The following PRRG1 variants were observed in gnomAD, a reference collection of about 807,000 sequenced individuals.
PRRG1 encodes transmembrane gamma-carboxyglutamic acid protein 1.
A neutral mutation model predicts 11.8 loss-of-function variants in PRRG1; 5 were observed. The ratio of observed to expected loss-of-function variants is 0.42; its 90% CI spans 0.22 to 0.89. The LOEUF (loss-of-function observed/expected upper bound fraction) is 0.89. PRRG1 is among the 40% of genes least tolerant of loss of function. The pLI is 0.28. For synonymous variants in PRRG1, 66 were observed against 60.4 expected (o/e 1.09, Z -0.43); for missense variants, 155 against 166.1 (o/e 0.93, Z 0.37).
intron 2 of PRRG1, among the ~76,000 whole-genome samples, chrX:37,411,611 G>C (rs946282916): frequency 2.3e-4 from 26 of 111,242 alleles, no homozygotes; most frequent in African/African-American, 8.1e-4. Flanking sequence ...TTCTATCTCA[G>C]AACACATTTC....
chrX:37,409,985 A>G (rs1932310360), intron 2 of PRRG1, among the ~76,000 whole-genome samples: 1 of 112,151 alleles, frequency 8.9e-6, no homozygotes, highest in African/African-American at 3.2e-5. Flanking sequence ...TCATTCGTTT[A>G]TGTGACATGA....
chrX:37,361,641 T>G (rs1023997391), intron 1 of PRRG1, among the ~76,000 whole-genome samples: 1 of 111,839 alleles, frequency 8.9e-6, no homozygotes, highest in Non-Finnish European at 1.9e-5. Flanking sequence ...CTTCCCTTCT[T>G]TCAAAACTGT....
chrX:37,363,350 T>C (rs1259914758), intron 1 of PRRG1, among the ~76,000 whole-genome samples: 1 of 112,075 alleles, frequency 8.9e-6, no homozygotes, highest in Non-Finnish European at 1.9e-5. Context: ...ATAAAATATA[T>C]ATTGAGGATT....
intron 1 of PRRG1, among the ~76,000 whole-genome samples, chrX:37,385,127 T>C (rs782715840): frequency 7.1e-4 from 80 of 112,123 alleles, no homozygotes; most frequent in African/African-American, 2.5e-3. Flanking sequence ...AATGGGGATA[T>C]ATACCTAACA....
At chrX:37,418,331 G>A (rs1175989326) in intron 2 of PRRG1, among the ~76,000 whole-genome samples, 4 of 112,026 alleles carry the variant, frequency 3.6e-5, no homozygotes, top group Admixed American at 9.5e-5. Flanking sequence ...CAGAAGGCTC[G>A]AATAAGCAGA....
chrX:37,399,919 C>A (rs1931898550), intron 1 of PRRG1, among the ~76,000 whole-genome samples: 1 of 111,180 alleles, frequency 9.0e-6, no homozygotes, highest in South Asian at 3.9e-4. Context: ...ATCAATTCAA[C>A]AAGAACAGCT....
chrX:37,434,598 C>A (rs781959487), intron 3 of PRRG1, among the ~76,000 whole-genome samples: 4 of 111,762 alleles, frequency 3.6e-5, no homozygotes, highest in South Asian at 3.8e-4. Context: ...TATTGATTTG[C>A]GCAAACATTT....
intron 1 of PRRG1, among the ~76,000 whole-genome samples, chrX:37,404,410 A>G (rs782709747): frequency 8.9e-6 from 1 of 112,056 alleles, no homozygotes; most frequent in South Asian, 3.8e-4. Flanking sequence ...CATAATGATT[A>G]TTTCATTTAT....
chrX:37,371,177 A>T (rs1216275832), intron 1 of PRRG1, among the ~76,000 whole-genome samples: 1 of 111,559 alleles, frequency 9.0e-6, no homozygotes, highest in Non-Finnish European at 1.9e-5. Context: ...TCTGAAGCAC[A>T]TAAAAATCCC....
chrX:37,361,504 A>G (rs1930414683), intron 1 of PRRG1, among the ~76,000 whole-genome samples: 1 of 112,190 alleles, frequency 8.9e-6, no homozygotes, highest in African/African-American at 3.2e-5. Context: ...AATTAAAATA[A>G]CAATTTCACA....
chrX:37,362,464 T>G (rs782701362), intron 1 of PRRG1, among the ~76,000 whole-genome samples: 1 of 110,783 alleles, frequency 9.0e-6, no homozygotes, highest in South Asian at 3.9e-4. Context: ...CCACAGATAT[T>G]GAAAGCTTCC....
chrX:37,403,895 A>G lies in PRRG1; in HGVS notation c.-41-2314A>G, dbSNP rs1932109911. The G allele has an allele frequency of 7.8e-6, 3 of 387,067 alleles. No homozygotes were observed. In the African/African-American group the frequency reaches 8.5e-5, roughly 11 times the overall value. The allele number at this position is 387,067 out of a possible 1,213,427, so 31.9% of individuals were successfully genotyped here. A position where few individuals can be genotyped will look rare whatever the true frequency, so the allele number is the denominator to read the frequency against. On this transcript the variant is annotated intron_variant, in intron 1 of 3. Coordinates refer to ENST00000378628, the MANE Select transcript of PRRG1 (RefSeq NM_001142395.2). ...ATAAGATGCTGATCTTTGGAAGTTT[A>G]TTACTGAAACGCTCGGTGAGGTGGC...
chrX:37,449,647 T>G (rs1179688974), intron 3 of PRRG1, among the ~76,000 whole-genome samples: 1 of 112,327 alleles, frequency 8.9e-6, no homozygotes, highest in Non-Finnish European at 1.9e-5. Flanking sequence ...TTCTTTAATT[T>G]TATCTTAGGC....
intron 1 of PRRG1, among the ~76,000 whole-genome samples, chrX:37,350,284 C>G (rs1238618237): frequency 2.7e-5 from 3 of 111,665 alleles, no homozygotes; most frequent in African/African-American, 9.8e-5. Context: ...AAAAGCGAAA[C>G]TAATGGGATT....
chrX:37,351,971 A>G (rs933984322), intron 1 of PRRG1, among the ~76,000 whole-genome samples: 6 of 112,375 alleles, frequency 5.3e-5, no homozygotes, highest in African/African-American at 1.9e-4. Context: ...TCTTCATGTT[A>G]CAGTTCCCTG....
chrX:37,363,918 G>T (rs1234049238), intron 1 of PRRG1, among the ~76,000 whole-genome samples: 1 of 111,787 alleles, frequency 8.9e-6, no homozygotes, highest in Non-Finnish European at 1.9e-5. Flanking sequence ...AGATCCAGAG[G>T]CATATACATG....
At chrX:37,430,684 T>G in intron 3 of PRRG1, among the ~76,000 whole-genome samples, 1 of 111,614 alleles carries the variant, frequency 9.0e-6, no homozygotes, top group Non-Finnish European at 1.9e-5. Context: ...GATAATACAT[T>G]GAGGTCCCAT....
chrX:37,393,933 A>G (rs184775285), intron 1 of PRRG1, among the ~76,000 whole-genome samples: 74 of 111,996 alleles, frequency 6.6e-4, no homozygotes, highest in East Asian at 2.5e-3. Context: ...CTAGGTGCCA[A>G]TTACACAACT....
intron 1 of PRRG1, among the ~76,000 whole-genome samples, chrX:37,373,119 C>T (rs1930822923): frequency 8.9e-6 from 1 of 111,926 alleles, no homozygotes; most frequent in Admixed American, 9.4e-5. Flanking sequence ...ATGTATGGGT[C>T]TGTGTCTAGG....
Sources: gnomAD v4.1 joint callset for allele counts (sites outside exome capture counted in the v4.1 genomes callset) on GRCh38, gnomAD v4.1.1 for gene constraint, MANE v1.5 for transcripts, NCBI Gene and HGNC (gene_info 2026-07-23, HGNC 2026-07-21) for gene names.